Variants in TIAM2 observed in about 807,000 individuals in gnomAD.
TIAM2 encodes TIAM Rac1 associated GEF 2.
In TIAM2, 80 loss-of-function variants were observed where a neutral mutation model predicts 152.9. That is an observed-to-expected ratio of 0.52 (90% CI 0.44 to 0.63). TIAM2 has a LOEUF of 0.63. Ranked by LOEUF, TIAM2 falls within the 30% of genes least tolerant of loss-of-function variation. The pLI, the probability that TIAM2 is intolerant of heterozygous loss-of-function variation, is 0.00. For missense variants in TIAM2, 1,965 were observed against 2,120.1 expected (o/e 0.93, Z 1.44); for synonymous variants, 804 against 838.0 (o/e 0.96, Z 0.70).
chr6:155,135,947 C>A (rs752956886), intron 4 of TIAM2, among the ~76,000 whole-genome samples: 25 of 151,838 alleles, frequency 1.6e-4, no homozygotes, highest in Non-Finnish European at 3.2e-4. Context: ...GTAATCCCAG[C>A]GCTTTGGGAG....
intron 1 of TIAM2, among the ~76,000 whole-genome samples, chr6:155,046,831 C>T (rs969708319): frequency 3.3e-5 from 5 of 152,188 alleles, no homozygotes; most frequent in African/African-American, 1.2e-4. Context: ...CTGCCCCTCC[C>T]AGACTTGCCA....
At chr6:155,091,683 T>C (rs1012215706) in intron 2 of TIAM2, among the ~76,000 whole-genome samples, 2 of 152,208 alleles carry the variant, frequency 1.3e-5, no homozygotes, top group African/African-American at 2.4e-5. Context: ...GCTTTGTTTG[T>C]GTTGACCTTT....
In TIAM2 at chr6:155,256,953, A is replaced by AGGAACTTTGCTCAAGGCGCAGATCC; in HGVS notation, c.4940_4964dup (p.His1656AsnfsTer13). On this transcript the variant is annotated frameshift_variant, in exon 27 of 27. Transcript: ENST00000682666. LOFTEE classifies it high-confidence loss of function. Reference sequence around the variant, plus strand: ...AAGCCAACAGCACCAAGAGGGACAGAGGAACTTTGCTCAAGGCGCAGATCC... The same window carrying AGGAACTTTGCTCAAGGCGCAGATCC: ...AAGCCAACAGCACCAAGAGGGACAGAGGAACTTTGCTCAAGGCGCAGATCCGGAACTTTGCTCAAGGCGCAGATCC... 6.2e-7 allele frequency: 1 copy of AGGAACTTTGCTCAAGGCGCAGATCC among 1,614,200 alleles called. No homozygotes were observed. The highest frequency in any genetic ancestry group is 1.1e-5 in the South Asian group (1 of 91,080).
intron 1 of TIAM2, among the ~76,000 whole-genome samples, chr6:155,045,142 C>T (rs1777145656): frequency 6.6e-6 from 1 of 150,772 alleles, no homozygotes. Flanking sequence ...CCTCTGCCCA[C>T]TGCAACCTCT....
chr6:155,060,582 T>G (rs909253546), intron 1 of TIAM2, among the ~76,000 whole-genome samples: 1 of 152,164 alleles, frequency 6.6e-6, no homozygotes, highest in Non-Finnish European at 1.5e-5. Flanking sequence ...CTCCAGTTAC[T>G]CCAGCTTTGG....
intron 7 of TIAM2, among the ~76,000 whole-genome samples, chr6:155,153,149 T>C (rs2115075356): frequency 6.6e-6 from 1 of 152,236 alleles, no homozygotes; most frequent in Non-Finnish European, 1.5e-5. Context: ...TACTAATTTT[T>C]CATTTTTGGT....
At position 155,060,895 on chromosome 6, in the gene TIAM2, A is replaced by AAAACC. The variant is rs974503859; in HGVS notation, c.-208-29380_-208-29376dup. 3.9e-5 allele frequency among the ~76,000 whole-genome samples: 6 copies of AAAACC among 152,332 alleles called. No homozygotes were observed. In the East Asian group the frequency reaches 9.6e-4, roughly 24 times the overall value. ...GGGCGACAAGAGCAAAACTGTCTCA[A>AAAACC]AAACCAAACCAAACCAAAACAAAAT... is the stretch of plus-strand genomic sequence containing the variant. On this transcript the variant is annotated intron_variant, in intron 1 of 26. Coordinates refer to ENST00000682666, the MANE Select transcript of TIAM2 (RefSeq NM_012454.4).
At chr6:155,133,862 C>T (rs1029467744) in intron 4 of TIAM2, among the ~76,000 whole-genome samples, 11 of 152,200 alleles carry the variant, frequency 7.2e-5, no homozygotes, top group South Asian at 2.1e-4. Flanking sequence ...GGATTACAGG[C>T]GTGTGCCACC....
chr6:155,232,150 C>T (rs1782504099), intron 15 of TIAM2, among the ~76,000 whole-genome samples: 1 of 152,106 alleles, frequency 6.6e-6, no homozygotes, highest in African/African-American at 2.4e-5. Context: ...GTGGTCCTTC[C>T]AGATTCCATC....
intron 1 of TIAM2, among the ~76,000 whole-genome samples, chr6:155,039,524 A>C (rs1001917625): frequency 2.4e-4 from 36 of 149,640 alleles, no homozygotes; most frequent in African/African-American, 8.8e-4. Context: ...ATTTCCCAGA[A>C]GTTTGGATAG....
rs1239347940 is a variant in TIAM2, at chr6:155,251,041, G to A, written c.4060+20G>A. The A allele has an allele frequency of 6.2e-7, 1 of 1,602,374 alleles. No homozygotes were observed. Among genetic ancestry groups the A allele is most frequent in the Non-Finnish European group, 8.6e-7 (1 of 1,169,510 alleles). On this transcript the variant is annotated intron_variant, in intron 22 of 26. Coordinates refer to ENST00000682666, the MANE Select transcript of TIAM2 (RefSeq NM_012454.4). ...TATTTGGTTAGTATTCCATTCAGAA[G>A]AATGCAGACTGAACAGAGGCTGGGA...
chr6:155,015,960 A>C (rs2351540), intron 1 of TIAM2, among the ~76,000 whole-genome samples: 40,425 of 148,712 alleles, frequency 0.27, 7,011 homozygotes, highest in African/African-American at 0.43. Flanking sequence ...AAAAAAAAAA[A>C]AAAAAAAAAA....
At chr6:155,165,469 C>T (rs1356109259) in intron 9 of TIAM2, 60 bp downstream of exon 9, 27 of 1,559,822 alleles carry the variant, frequency 1.7e-5, no homozygotes, top group East Asian at 9.1e-5. Context: ...CCCTAATTTT[C>T]GGCCTGCTAT....
chr6:155,001,283 C>A (rs1474117671), intron 1 of TIAM2, among the ~76,000 whole-genome samples: 1 of 152,118 alleles, frequency 6.6e-6, no homozygotes. Flanking sequence ...GATCCTTTAC[C>A]CAAGTTCACG....
chr6:155,214,069 C>T lies in TIAM2; in HGVS notation c.3168+2762C>T, dbSNP rs774718620. On this transcript the variant is annotated intron_variant, in intron 15 of 26. Transcript: ENST00000682666. This position sits in a 1 kb window ranked among gnomAD's most constrained non-coding sequence, Gnocchi z 5.4. Reference sequence around the variant, plus strand: ...GCGGGGCTCCTTCCTGCTCCTGGCCCCCAAGAACACAGGGATGTCTGGGTC... The same window carrying T: ...GCGGGGCTCCTTCCTGCTCCTGGCCTCCAAGAACACAGGGATGTCTGGGTC... Among the ~76,000 whole-genome samples, 9 of 152,340 alleles carry T rather than the reference C, an allele frequency of 5.9e-5. No homozygotes were observed. Among genetic ancestry groups the T allele is most frequent in the Non-Finnish European group, 1.0e-4 (7 of 68,028 alleles).
At chr6:155,157,088 T>C (rs866860543) in intron 7 of TIAM2, among the ~76,000 whole-genome samples, 1 of 145,994 alleles carries the variant, frequency 6.8e-6, no homozygotes, top group African/African-American at 2.8e-5. Flanking sequence ...ACCGTGTCTG[T>C]TTTTTTATCT....
intron 15 of TIAM2, among the ~76,000 whole-genome samples, chr6:155,225,426 A>G (rs1782208617): frequency 6.6e-6 from 1 of 152,178 alleles, no homozygotes; most frequent in South Asian, 2.1e-4. Flanking sequence ...AAGATGGGGA[A>G]AGGTGGACCA....
chr6:155,187,834 T>C (rs1205710754), intron 14 of TIAM2, among the ~76,000 whole-genome samples: 1 of 152,044 alleles, frequency 6.6e-6, no homozygotes, highest in Non-Finnish European at 1.5e-5. Flanking sequence ...CGCCTCGACC[T>C]CCCAAAGTGC....
In TIAM2 at chr6:155,213,054, C is replaced by T. The variant is rs554787099; in HGVS notation, c.3168+1747C>T. 6.6e-6 allele frequency among the ~76,000 whole-genome samples: 1 copy of T among 152,200 alleles called. No individual in the cohort carries two copies. Among genetic ancestry groups the T allele is most frequent in the Non-Finnish European group, 1.5e-5 (1 of 68,034 alleles). On this transcript the variant is annotated intron_variant, in intron 15 of 26. Transcript: ENST00000682666. The surrounding 1 kb of genome is among the most constrained non-coding windows in gnomAD (Gnocchi z 4.2). Reference sequence around the variant, plus strand: ...GGTTCTGGGAACTCCTAGGTCTGGGCTCCCTGAAGGGCTGCAGCTCTTCTC... The same window carrying T: ...GGTTCTGGGAACTCCTAGGTCTGGGTTCCCTGAAGGGCTGCAGCTCTTCTC...
Sources: gnomAD v4.1 joint callset for allele counts (sites outside exome capture counted in the v4.1 genomes callset) on GRCh38, gnomAD v4.1.1 for gene constraint, Gnocchi (gnomAD v3.1) non-coding constraint, MANE v1.5 for transcripts, NCBI Gene and HGNC (gene_info 2026-07-23, HGNC 2026-07-21) for gene names.